GSDME: variants seen among roughly 807,000 people sequenced by gnomAD.
The protein encoded by GSDME is gasdermin E, also known as gasdermin-E.
GSDME carries 44 observed loss-of-function variants against 47.5 expected under a neutral mutation model. That is an observed-to-expected ratio of 0.93 (90% CI 0.73 to 1.19). The LOEUF (loss-of-function observed/expected upper bound fraction) is 1.19, where lower values mean the gene tolerates loss of function less well. Among genes scored for constraint, GSDME ranks in the 50% most tolerant of loss-of-function variants. The pLI is 0.00. For synonymous variants in GSDME, 258 were observed against 252.8 expected, an observed-to-expected ratio of 1.02 and a Z score of -0.20; for missense variants, 663 against 604.2, an observed-to-expected ratio of 1.10 and a Z score of -1.02.
intron 5 of GSDME, among the ~76,000 whole-genome samples, chr7:24,711,541 C>T (rs1028261374): frequency 6.6e-6 from 1 of 152,014 alleles, no homozygotes; most frequent in African/African-American, 2.4e-5. Context: ...ATAAAAAGGG[C>T]CGGGCATGGT....
intron 4 of GSDME, 84 bp from the exon 5 acceptor site, chr7:24,717,458 T>C: frequency 6.3e-7 from 1 of 1,596,628 alleles, no homozygotes; most frequent in Non-Finnish European, 8.5e-7. Flanking sequence ...CCTCGTGCCT[T>C]ATACATAAGA....
At chr7:24,753,117 A>G (rs972616089) in intron 1 of GSDME, among the ~76,000 whole-genome samples, 1 of 152,130 alleles carries the variant, frequency 6.6e-6, no homozygotes, top group South Asian at 2.1e-4. Context: ...CTTTTTAATC[A>G]TGGGACTCAG....
At chr7:24,702,951 G>A in intron 8 of GSDME, 118 bp from the exon 9 acceptor site, 1 of 807,768 alleles carries the variant, frequency 1.2e-6, no homozygotes, top group Non-Finnish European at 2.0e-6. Context: ...AGGCAGGGGA[G>A]GTACTCAGCA....
intron 3 of GSDME, among the ~76,000 whole-genome samples, chr7:24,743,606 T>G (rs1269543998): frequency 1.3e-5 from 2 of 152,184 alleles, no homozygotes; most frequent in Non-Finnish European, 2.9e-5. Flanking sequence ...CCAGTGGCCT[T>G]CAAGGTCCTG....
rs1238908291 is a variant in GSDME at position 24,749,640 on chromosome 7, G to A, written c.135C>T (p.Cys45=). Residue 45 remains cysteine, a synonymous_variant, in exon 2 of 10, where the codon TGC becomes TGT. Transcript: ENST00000645220. ...SLVTKKKRFW[C]WQRPKYQFLS... is the part of the protein sequence containing the mutation. ...AAAACTGGTACTTGGGTCTCTGCCA[G>A]CACCAGAATCTCTTCTTTTTTGTCA... The A allele has an allele frequency of 1.9e-6, 3 of 1,614,082 alleles. No individual in the cohort carries two copies. Among genetic ancestry groups the A allele is most frequent in the South Asian group, 2.2e-5 (2 of 91,080 alleles).
At chr7:24,771,993 G>A in the GSDME span, among the ~76,000 whole-genome samples, 73 of 152,242 alleles carry the variant, frequency 4.8e-4, no homozygotes, top group South Asian at 7.3e-3. This position sits in a 1 kb window ranked among gnomAD's most constrained non-coding sequence, Gnocchi z 4.1. Context: ...CAGTTCATGC[G>A]CAACAGCCCC....
At chr7:24,775,220 G>C in the GSDME span, among the ~76,000 whole-genome samples, 3 of 152,148 alleles carry the variant, frequency 2.0e-5, no homozygotes, top group Admixed American at 6.5e-5. Context: ...TCTATCGTAA[G>C]TCTAGGAAAG....
chr7:24,699,450 C>A (rs1788772108), intron 9 of GSDME, among the ~76,000 whole-genome samples, 191 bp from the exon 10 acceptor site: 2 of 152,130 alleles, frequency 1.3e-5, no homozygotes, highest in Non-Finnish European at 2.9e-5. Flanking sequence ...TCAAGCGATT[C>A]TTTTGCCTCA....
At chr7:24,793,643 G>A in the GSDME span, among the ~76,000 whole-genome samples, 6 of 151,534 alleles carry the variant, frequency 4.0e-5, no homozygotes, top group East Asian at 1.9e-4. Flanking sequence ...CTTGTTTCAC[G>A]ACTTTCACAG....
chr7:24,788,478 C>T, the GSDME span, among the ~76,000 whole-genome samples: 1 of 152,156 alleles, frequency 6.6e-6, no homozygotes, highest in South Asian at 2.1e-4. The surrounding 1 kb of genome is among the most constrained non-coding windows in gnomAD (Gnocchi z 4.6). Flanking sequence ...TGCTCACAGC[C>T]TTATAAGTAG....
At chr7:24,730,179 C>A (rs1051838920) in intron 3 of GSDME, among the ~76,000 whole-genome samples, 3 of 152,144 alleles carry the variant, frequency 2.0e-5, no homozygotes, top group African/African-American at 7.2e-5. Context: ...ATATGAACAG[C>A]CCAAGTGGAA....
intron 7 of GSDME, chr7:24,707,389 G>A: frequency 2.1e-6 from 1 of 471,606 alleles, no homozygotes; most frequent in Non-Finnish European, 4.4e-6. Context: ...GTACAACTAA[G>A]AGTTAAGGAA....
At chr7:24,749,268 G>C (rs958927073) in intron 2 of GSDME, among the ~76,000 whole-genome samples, 1 of 152,056 alleles carries the variant, frequency 6.6e-6, no homozygotes, top group Non-Finnish European at 1.5e-5. Context: ...TTGGGAGACC[G>C]AGGTGGGTGG....
intron 7 of GSDME, chr7:24,707,379 G>A (rs1448430698): frequency 4.2e-6 from 2 of 471,408 alleles, no homozygotes; most frequent in Admixed American, 2.3e-5. Flanking sequence ...CTCACCATTT[G>A]TACAACTAAG....
intron 1 of GSDME, among the ~76,000 whole-genome samples, chr7:24,755,084 C>A (rs1389126709): frequency 6.6e-6 from 1 of 152,136 alleles, no homozygotes; most frequent in East Asian, 1.9e-4. Context: ...AAGTAACTTG[C>A]CCAAGATCAC....
At chr7:24,708,048 AAC>A (rs1789188560) in intron 7 of GSDME, 77 bp downstream of exon 7, 1 of 1,574,438 alleles carries the variant, frequency 6.4e-7, no homozygotes, top group Admixed American at 1.7e-5. Context: ...GGGAACCTTT[AAC>A]ACAATTCCAT....
At chr7:24,780,052 T>A in the GSDME span, among the ~76,000 whole-genome samples, 1 of 152,228 alleles carries the variant, frequency 6.6e-6, no homozygotes, top group Admixed American at 6.5e-5. The surrounding 1 kb of genome is among the most constrained non-coding windows in gnomAD (Gnocchi z 4.1). Context: ...GCTGCCCACA[T>A]ACAAAGAGAA....
At chr7:24,774,510 T>TA in the GSDME span, among the ~76,000 whole-genome samples, 2 of 151,478 alleles carry the variant, frequency 1.3e-5, no homozygotes, top group Admixed American at 1.3e-4. Context: ...CTTCCTTTTT[T>TA]AAAAAAAATT....
chr7:24,710,201 T>TA, intron 6 of GSDME, 23 bp downstream of exon 6: 1 of 1,612,528 alleles, frequency 6.2e-7, no homozygotes, highest in South Asian at 1.1e-5. Context: ...AACTGCCCAC[T>TA]ACTCCTGCCC....
Sources: allele counts gnomAD v4.1 joint callset (sites outside exome capture counted in the v4.1 genomes callset), GRCh38; gene constraint gnomAD v4.1.1; non-coding constraint Gnocchi (gnomAD v3.1); transcripts MANE v1.5; gene names NCBI Gene and HGNC (gene_info 2026-07-23, HGNC 2026-07-21).